THNSL2: variants seen among roughly 807,000 people sequenced by gnomAD.
THNSL2 encodes threonine synthase-like 2.
THNSL2 carries 34 observed loss-of-function variants against 40.0 expected under a neutral mutation model. The observed-to-expected ratio is 0.85, with a 90% CI of 0.65 to 1.13. THNSL2 has a LOEUF of 1.13. THNSL2 is among the 50% of genes most tolerant of loss of function. The pLI is 0.00. For missense variants in THNSL2, 537 were observed against 608.8 expected, an observed-to-expected ratio of 0.88 and a Z score of 1.24; for synonymous variants, 241 against 247.5, an observed-to-expected ratio of 0.97 and a Z score of 0.25.
chr2:88,186,582 G>A lies in THNSL2; in HGVS notation c.*459G>A. Reference sequence around the variant, plus strand: ...CCACCTTGTCAGAGGCTTCCACCCTGCTCACATGTTGGGAATCCCTGGAAT... The same window carrying A: ...CCACCTTGTCAGAGGCTTCCACCCTACTCACATGTTGGGAATCCCTGGAAT... On this transcript the variant is annotated 3_prime_UTR_variant, in exon 9 of 9. Coordinates refer to ENST00000674334, the MANE Select transcript of THNSL2 (RefSeq NM_018271.5). The A allele has an allele frequency of 5.4e-6, 1 of 184,532 alleles. No individual in the cohort carries two copies. Among genetic ancestry groups the A allele is most frequent in the East Asian group, 1.2e-4 (1 of 8,128 alleles). 11.4% of individuals were successfully genotyped at this position (184,532 alleles called of 1,614,324 possible).
rs998468708 is a variant in THNSL2, at chr2:88,185,683, G to A, written c.1229+204G>A. The A allele has an allele frequency of 5.8e-6, 9 of 1,551,428 alleles. No individual in the cohort carries two copies. In the African/African-American group the frequency reaches 8.2e-5, roughly 14 times the overall value. ...CCCAGGGACAGCCATGGTCAGAGGT[G>A]GTGGCTGAGCTGGCCTCCAACCAGG... On this transcript the variant is annotated intron_variant, in intron 8 of 8. Transcript: ENST00000674334.
At chr2:88,185,553 G>C in intron 8 of THNSL2, 74 bp downstream of exon 8, 1 of 1,553,238 alleles carries the variant, frequency 6.4e-7, no homozygotes, top group Non-Finnish European at 8.7e-7. Flanking sequence ...CCAAGCAGTG[G>C]GAGAGACAGG....
chr2:88,177,416 T>C (rs1177380209), intron 4 of THNSL2, among the ~76,000 whole-genome samples: 1 of 152,238 alleles, frequency 6.6e-6, no homozygotes, highest in Non-Finnish European at 1.5e-5. Context: ...TTAATTTCCA[T>C]GTACATTGTA....
intron 8 of THNSL2, 147 bp from the exon 9 acceptor site, chr2:88,185,751 A>G: frequency 1.3e-6 from 2 of 1,547,732 alleles, no homozygotes; most frequent in Non-Finnish European, 8.7e-7. Flanking sequence ...AATAAGTTCA[A>G]GGTGCCAATT....
Position 88,173,390 on chromosome 2 carries a change from G to T in THNSL2, c.223+17G>T. Reference sequence around the variant, plus strand: ...AATTAAATGGTGAGTGCTCCCACCTGTACTTTCACTCTTCCAGCCCCTGCC... The same window carrying T: ...AATTAAATGGTGAGTGCTCCCACCTTTACTTTCACTCTTCCAGCCCCTGCC... On this transcript the variant is annotated intron_variant, in intron 2 of 8. Transcript: ENST00000674334. The T allele has an allele frequency of 6.4e-7, 1 of 1,562,498 alleles. No homozygotes were observed.
intron 4 of THNSL2, 89 bp downstream of exon 4, chr2:88,175,490 G>A (rs1676830106): frequency 6.6e-7 from 1 of 1,524,896 alleles, no homozygotes; most frequent in South Asian, 1.2e-5. Flanking sequence ...AAATTGCACA[G>A]TTGGGTAGCT....
Position 88,178,372 on chromosome 2 carries a change from A to G in THNSL2, c.572-411A>G, listed in dbSNP as rs538271586. On this transcript the variant is annotated intron_variant, in intron 4 of 8. Transcript: ENST00000674334. Reference sequence around the variant, plus strand: ...GATAGAGGACTGTGGAGGAAAGGCTACGTCTCTCACCGTTTTCCAATCAGG... The same window carrying G: ...GATAGAGGACTGTGGAGGAAAGGCTGCGTCTCTCACCGTTTTCCAATCAGG... Among the ~76,000 whole-genome samples the G allele has an allele frequency of 4.6e-5, 7 of 152,290 alleles. No individual in the cohort carries two copies. The South Asian group carries it at 1.4e-3, about 32-fold the overall frequency.
At chr2:88,173,049 GCTAA>G (rs1286379519) in intron 1 of THNSL2, 86 bp from the exon 2 acceptor site, 5 of 836,874 alleles carry the variant, frequency 6.0e-6, no homozygotes, top group Non-Finnish European at 9.1e-6. Flanking sequence ...TGGTCTAGAG[GCTAA>G]CTGTGAGACT....
In THNSL2 at chr2:88,185,905, C is replaced by G. The variant is rs780048610; in HGVS notation, c.1237C>G (p.Arg413Gly). 1.4e-5 allele frequency: 23 copies of G among 1,601,308 alleles called. No individual in the cohort carries two copies. Among genetic ancestry groups the G allele is most frequent in the Admixed American group, 3.4e-5 (2 of 58,488 alleles). Residue 413 changes from arginine (R) to glycine (G), a missense_variant, in exon 9 of 9, where the codon CGG (arginine) becomes GGG (glycine). Arg to Gly is a moderately radical substitution (Grantham distance 125). Coordinates refer to ENST00000674334, the MANE Select transcript of THNSL2 (RefSeq NM_018271.5). ...QIDRQQPSTPRCCLAPASAAK... is the reference protein window; with the variant it reads ...QIDRQQPSTPGCCLAPASAAK... ...CTGCCCCCATCCCCACAGCACTCCC[C>G]GGTGCTGCCTCGCCCCTGCCTCTGC...
At chr2:88,173,068 G>A (rs968201352) in intron 1 of THNSL2, 71 bp from the exon 2 acceptor site, 3 of 1,082,026 alleles carry the variant, frequency 2.8e-6, no homozygotes, top group Non-Finnish European at 4.0e-6. Context: ...GAGACTGTGT[G>A]TGCTTTGGCT....
At chr2:88,173,112 G>A (rs1676529880) in intron 1 of THNSL2, 27 bp from the exon 2 acceptor site, 2 of 1,458,618 alleles carry the variant, frequency 1.4e-6, no homozygotes, top group African/African-American at 1.4e-5. Flanking sequence ...TGGAGACCAG[G>A]TGCTTCTGGG....
At chr2:88,181,095 CCTCTCTCCTCTCTCTCCT>C (rs1558894874) in intron 5 of THNSL2, among the ~76,000 whole-genome samples, 2 of 43,530 alleles carry the variant, frequency 4.6e-5, no homozygotes, top group Admixed American at 3.0e-4. Flanking sequence ...CGCTCGCTCT[CCTCTCTCCTCTCTCTCCT>C]CTCTCTCTCC....
chr2:88,185,793 C>G (rs1037542954), intron 8 of THNSL2, 105 bp from the exon 9 acceptor site: 11 of 1,538,324 alleles, frequency 7.2e-6, no homozygotes, highest in Middle Eastern at 2.2e-4. Flanking sequence ...CCATACCCCC[C>G]CATCCCTAAA....
Position 88,178,863 on chromosome 2 carries a change from A to G in THNSL2, c.652A>G (p.Met218Val), listed in dbSNP as rs759615301. ...GGCTTTTGTCAAGAAGCACAATCTGATGAGCCTGAATTCGATCAACTGGTC... is the reference window on the plus strand; with the variant it reads ...GGCTTTTGTCAAGAAGCACAATCTGGTGAGCCTGAATTCGATCAACTGGTC... ...DVAFVKKHNL[M>V]SLNSINWSRV... Residue 218 changes from methionine to valine, a missense_variant, in exon 5 of 9, where the codon ATG becomes GTG. Coordinates refer to ENST00000674334, the MANE Select transcript of THNSL2 (RefSeq NM_018271.5). The G allele has an allele frequency of 6.2e-7, 1 of 1,614,186 alleles. No individual in the cohort carries two copies. Among genetic ancestry groups the G allele is most frequent in the South Asian group, 1.1e-5 (1 of 91,082 alleles).
Position 88,182,836 on chromosome 2 carries a change from A to G in THNSL2, c.940A>G (p.Met314Val), listed in dbSNP as rs751496181. 4 of 1,613,996 alleles carry G rather than the reference A, an allele frequency of 2.5e-6. No individual in the cohort carries two copies. The highest frequency in any genetic ancestry group is 1.1e-5 in the South Asian group (1 of 91,076). ...EAVKSTLASA[M>V]DIQVPYNMER... is the part of the protein sequence containing the mutation. The stretch of plus-strand genomic sequence containing the variant: ...TGTTAAATCAACCTTGGCATCAGCT[A>G]TGGACATTCAGGTAGGCCTGGGGGA... The change falls in exon 6 of 9, where the codon ATG becomes GTG. Residue 314 changes from methionine to valine, a missense_variant. Physicochemically the swap from Met to Val is conservative, Grantham distance 21. Transcript: ENST00000674334.
At chr2:88,172,196 A>G (rs1676448310) in intron 1 of THNSL2, 1 of 152,306 alleles carries the variant, frequency 6.6e-6, no homozygotes, top group African/African-American at 2.4e-5. Context: ...ATGATCCAGA[A>G]GAAGGTGTTC....
chr2:88,174,760 G>C lies in THNSL2; in HGVS notation c.345G>C (p.Leu115=). 6.2e-7 allele frequency: 1 copy of C among 1,614,210 alleles called. No individual in the cohort carries two copies. Among genetic ancestry groups the C allele is most frequent in the South Asian group, 1.1e-5 (1 of 91,082 alleles). Residue 115 remains leucine (L), a synonymous_variant, in exon 3 of 9, where the codon CTG becomes CTC. Coordinates refer to ENST00000674334, the MANE Select transcript of THNSL2 (RefSeq NM_018271.5). ...WHGVTYAFKD[L]SLSCTTQFLQ... The stretch of plus-strand genomic sequence containing the variant: ...GCGTCACATATGCATTTAAGGACCT[G>C]TCCCTGTCCTGCACAACACAGTTCC...
rs762079714 is a variant in THNSL2 at position 88,175,410 on chromosome 2, T to C, written c.571+9T>C. 6.2e-7 allele frequency: 1 copy of C among 1,613,970 alleles called. No homozygotes were observed. The highest frequency in any genetic ancestry group is 2.2e-5 in the East Asian group (1 of 44,878). On this transcript the variant is annotated intron_variant, in intron 4 of 8. Transcript: ENST00000674334. Reference sequence around the variant, plus strand: ...CGTACATGTGTTTGGAGGTGTGTGCTGAGGCAGAGGCTCTAGGGACAGTGC... The same window carrying C: ...CGTACATGTGTTTGGAGGTGTGTGCCGAGGCAGAGGCTCTAGGGACAGTGC...
intron 5 of THNSL2, among the ~76,000 whole-genome samples, chr2:88,182,100 T>C (rs1046611870): frequency 6.6e-6 from 1 of 152,196 alleles, no homozygotes; most frequent in Non-Finnish European, 1.5e-5. Context: ...TGTGAACATA[T>C]ATTTTTACTT....
Sources: gnomAD v4.1 joint callset for allele counts (sites outside exome capture counted in the v4.1 genomes callset) on GRCh38, gnomAD v4.1.1 for gene constraint, MANE v1.5 for transcripts, NCBI Gene and HGNC (gene_info 2026-07-23, HGNC 2026-07-21) for gene names.